The following PARD3 variants were observed in gnomAD, a reference collection of about 807,000 sequenced individuals.
PARD3 encodes partitioning defective 3 homolog.
PARD3 carries 75 observed loss-of-function variants against 155.4 expected under a neutral mutation model. The ratio of observed to expected loss-of-function variants is 0.48; its 90% confidence interval spans 0.40 to 0.58. The LOEUF (loss-of-function observed/expected upper bound fraction) is 0.58. PARD3 is among the 20% of genes least tolerant of loss of function. The pLI is 0.00. For synonymous variants in PARD3, 576 were observed against 610.5 expected, an observed-to-expected ratio of 0.94 and a Z score of 0.83; for missense variants, 1,642 against 1,721.7, an observed-to-expected ratio of 0.95 and a Z score of 0.82.
Position 34,468,080 on chromosome 10 carries a change from A to T in PARD3, c.582+2005T>A, listed in dbSNP as rs551406384. Among the ~76,000 whole-genome samples the T allele has an allele frequency of 2.0e-3, 312 of 152,244 alleles. 3 individuals are homozygous for T. Among genetic ancestry groups the T allele is most frequent in the Non-Finnish European group, 1.4e-3 (96 of 68,020 alleles). Reference sequence around the variant, plus strand: ...TACACCTGGAGGCAGGGTGGTGTATAGTGTGTAGTAGGCAGGCTCCGGTGG... The same window carrying T: ...TACACCTGGAGGCAGGGTGGTGTATTGTGTGTAGTAGGCAGGCTCCGGTGG... On this transcript the variant is annotated intron_variant, in intron 4 of 24. Coordinates refer to ENST00000374788, the MANE Select transcript of PARD3 (RefSeq NM_001184785.2).
intron 22 of PARD3, among the ~76,000 whole-genome samples, chr10:34,235,573 G>T (rs927670470): frequency 6.6e-6 from 1 of 152,062 alleles, no homozygotes; most frequent in African/African-American, 2.4e-5. Context: ...TTTATAAAAC[G>T]CCACATTAAC....
intron 2 of PARD3, among the ~76,000 whole-genome samples, chr10:34,640,735 A>AAAAAAAAAAAAAAAC (rs1396115260): frequency 2.1e-5 from 3 of 144,688 alleles, no homozygotes; most frequent in Non-Finnish European, 4.5e-5. Context: ...AAAAAAAAAA[A>AAAAAAAAAAAAAAAC]AGCACTTTTA....
At chr10:34,529,359 G>A (rs2082683872) in intron 2 of PARD3, among the ~76,000 whole-genome samples, 2 of 152,218 alleles carry the variant, frequency 1.3e-5, no homozygotes, top group East Asian at 1.9e-4. Flanking sequence ...AAGGAAACAG[G>A]GTTTCACAAA....
chr10:34,318,610 G>A (rs193227899), intron 19 of PARD3, among the ~76,000 whole-genome samples: 6 of 151,908 alleles, frequency 3.9e-5, no homozygotes, highest in Admixed American at 3.3e-4. Flanking sequence ...CAGCTAAAAG[G>A]GTCCCAATAT....
At chr10:34,758,017 T>A (rs1002498034) in intron 1 of PARD3, among the ~76,000 whole-genome samples, 1 of 152,242 alleles carries the variant, frequency 6.6e-6, no homozygotes, top group African/African-American at 2.4e-5. Flanking sequence ...CAGACTTTGA[T>A]ACTCCTAAAA....
intron 5 of PARD3, among the ~76,000 whole-genome samples, chr10:34,415,682 C>T (rs1845597506): frequency 6.6e-6 from 1 of 152,136 alleles, no homozygotes; most frequent in Non-Finnish European, 1.5e-5. Context: ...GGTATGGCAC[C>T]TCAGTGGGAT....
At chr10:34,430,073 C>G (rs1264680609) in intron 5 of PARD3, among the ~76,000 whole-genome samples, 1 of 152,192 alleles carries the variant, frequency 6.6e-6, no homozygotes, top group African/African-American at 2.4e-5. Flanking sequence ...AGCCATAATG[C>G]TAGTACTTCT....
intron 5 of PARD3, among the ~76,000 whole-genome samples, chr10:34,435,199 A>G (rs2076129128): frequency 6.6e-6 from 1 of 152,192 alleles, no homozygotes; most frequent in African/African-American, 2.4e-5. Flanking sequence ...AACAGGAAAA[A>G]AAAAGGAAGT....
intron 4 of PARD3, among the ~76,000 whole-genome samples, chr10:34,455,721 A>G (rs1165707723): frequency 6.6e-6 from 1 of 152,198 alleles, no homozygotes; most frequent in African/African-American, 2.4e-5. Flanking sequence ...ATGCCTATTA[A>G]GACTTTTTTT....
At chr10:34,133,159 A>G (rs899053602) in intron 22 of PARD3, among the ~76,000 whole-genome samples, 2 of 152,152 alleles carry the variant, frequency 1.3e-5, no homozygotes, top group Non-Finnish European at 2.9e-5. Flanking sequence ...CAAGGGGGGC[A>G]CTGGGCTGGT....
intron 2 of PARD3, among the ~76,000 whole-genome samples, chr10:34,677,810 C>T (rs2133304528): frequency 6.6e-6 from 1 of 152,208 alleles, no homozygotes; most frequent in African/African-American, 2.4e-5. Flanking sequence ...CCGGAGGGCA[C>T]ACATAACCCA....
Position 34,569,653 on chromosome 10 carries a change from G to A in PARD3, c.223-52494C>T, listed in dbSNP as rs576815748. Among the ~76,000 whole-genome samples, 27 of 152,178 alleles carry A rather than the reference G, an allele frequency of 1.8e-4. No individual in the cohort carries two copies. In the South Asian group the frequency reaches 4.2e-3, roughly 23 times the overall value. ...AGGATGATCTCCATCTCCTGATCTCGTGATCCGCCCGCCTCCGCCTGCCAA... is the reference window on the plus strand; with the variant it reads ...AGGATGATCTCCATCTCCTGATCTCATGATCCGCCCGCCTCCGCCTGCCAA... On this transcript the variant is annotated intron_variant, in intron 2 of 24. Coordinates refer to ENST00000374788, the MANE Select transcript of PARD3 (RefSeq NM_001184785.2).
At chr10:34,461,870 G>A (rs1268114994) in intron 4 of PARD3, among the ~76,000 whole-genome samples, 3 of 151,960 alleles carry the variant, frequency 2.0e-5, no homozygotes, top group African/African-American at 7.3e-5. Flanking sequence ...TAAAAATATC[G>A]CATCCAAGCT....
At chr10:34,125,079 T>C (rs933462104) in intron 23 of PARD3, among the ~76,000 whole-genome samples, 1 of 151,282 alleles carries the variant, frequency 6.6e-6, no homozygotes, top group African/African-American at 2.5e-5. Context: ...TTCTTTTTTT[T>C]TTTTTGAGAC....
chr10:34,604,681 A>G, intron 2 of PARD3, among the ~76,000 whole-genome samples: 1 of 149,718 alleles, frequency 6.7e-6, no homozygotes, highest in East Asian at 1.9e-4. Flanking sequence ...TTACATATAT[A>G]TTTTCAAGAT....
chr10:34,345,225 T>C, intron 15 of PARD3: 1 of 984,720 alleles, frequency 1.0e-6, no homozygotes, highest in Non-Finnish European at 1.2e-6. Context: ...GTGTGACTGA[T>C]GACATCTGAC....
At chr10:34,168,659 C>T (rs1320145061) in intron 22 of PARD3, among the ~76,000 whole-genome samples, 1 of 152,200 alleles carries the variant, frequency 6.6e-6, no homozygotes, top group Non-Finnish European at 1.5e-5. Context: ...GAGGCAGTTA[C>T]TGAAAAGAGC....
At chr10:34,777,003 AT>A (rs758917237) in intron 1 of PARD3, among the ~76,000 whole-genome samples, 386 of 122,384 alleles carry the variant, frequency 3.2e-3, no homozygotes, top group African/African-American at 5.0e-3. Flanking sequence ...TGTCTGGCTA[AT>A]TTTTTTTTTT....
chr10:34,574,024 C>T (rs2086688533), intron 2 of PARD3, among the ~76,000 whole-genome samples: 1 of 151,840 alleles, frequency 6.6e-6, no homozygotes, highest in Non-Finnish European at 1.5e-5. Context: ...AGCAAATTAG[C>T]CTATAATACA....
Sources: allele counts gnomAD v4.1 joint callset (sites outside exome capture counted in the v4.1 genomes callset), GRCh38; gene constraint gnomAD v4.1.1; transcripts MANE v1.5; gene names NCBI Gene and HGNC (gene_info 2026-07-23, HGNC 2026-07-21).